STAG2: variants seen among roughly 807,000 people sequenced by gnomAD.
The protein encoded by STAG2 is STAG2 cohesin complex component.
In STAG2, 14 loss-of-function variants were observed where a neutral mutation model predicts 108.1. That is an observed-to-expected ratio of 0.13 (90% confidence interval 0.09 to 0.20). The LOEUF is 0.20. Among genes scored for constraint, STAG2 ranks in the 10% least tolerant of loss-of-function variants. The probability of loss-of-function intolerance (pLI) is 1.00; values close to 1 mark genes in which losing one functional copy is unlikely to be tolerated. For synonymous variants in STAG2, 307 were observed against 302.7 expected (o/e 1.01, Z -0.15); for missense variants, 440 against 940.9 (o/e 0.47, Z 6.96).
intron 20 of STAG2, among the ~76,000 whole-genome samples, chrX:124,065,660 G>A (rs901337459): frequency 2.7e-5 from 3 of 111,355 alleles, no homozygotes; most frequent in East Asian, 5.6e-4. Flanking sequence ...TGTCATTTTC[G>A]TTTTTTCTCT....
At chrX:124,062,045 A>T (rs2058396011) in intron 17 of STAG2, among the ~76,000 whole-genome samples, 171 bp downstream of exon 17, 1 of 111,190 alleles carries the variant, frequency 9.0e-6, no homozygotes, top group Non-Finnish European at 1.9e-5. Context: ...GAGAAATTTG[A>T]GTTCTCTGTA....
At chrX:124,079,510 A>G (rs917013722) in intron 27 of STAG2, among the ~76,000 whole-genome samples, 2 of 110,500 alleles carry the variant, frequency 1.8e-5, no homozygotes, top group African/African-American at 3.3e-5. Flanking sequence ...GGCTGGGTGT[A>G]GTGGCTGATG....
At chrX:124,022,203 T>G (rs982958249) in intron 2 of STAG2, among the ~76,000 whole-genome samples, 24 of 109,935 alleles carry the variant, frequency 2.2e-4, no homozygotes, top group African/African-American at 7.3e-4. Context: ...AAACCCCATC[T>G]CTACTAAAAA....
intron 14 of STAG2, among the ~76,000 whole-genome samples, chrX:124,056,469 C>T (rs1569514240): frequency 9.0e-6 from 1 of 110,528 alleles, no homozygotes; most frequent in Non-Finnish European, 1.9e-5. Flanking sequence ...CGCAGTGGCT[C>T]ATGCCTGTAA....
At chrX:124,044,098 A>G (rs1402442173) in intron 7 of STAG2, among the ~76,000 whole-genome samples, 1 of 111,181 alleles carries the variant, frequency 9.0e-6, no homozygotes, top group Non-Finnish European at 1.9e-5. Context: ...GATGATCGCT[A>G]AGTGCTATTA....
chrX:123,962,291 G>A (rs902335598), intron 1 of STAG2, among the ~76,000 whole-genome samples: 2 of 111,336 alleles, frequency 1.8e-5, no homozygotes, highest in Non-Finnish European at 3.8e-5. Context: ...TTTGAGCCCC[G>A]TTCCCATTTT....
chrX:124,091,758 A>G (rs2059255616), intron 32 of STAG2, among the ~76,000 whole-genome samples: 1 of 112,834 alleles, frequency 8.9e-6, no homozygotes, highest in Admixed American at 9.4e-5. Context: ...CAGGGACCAC[A>G]TTCATTGCCT....
At chrX:124,078,339 T>TA (rs2058852493) in intron 27 of STAG2, among the ~76,000 whole-genome samples, 1 of 110,716 alleles carries the variant, frequency 9.0e-6, no homozygotes, top group Admixed American at 9.5e-5. Flanking sequence ...TTCTACTTTT[T>TA]AAATCTACTC....
At chrX:124,066,830 C>G (rs778227219) in intron 23 of STAG2, among the ~76,000 whole-genome samples, 2 of 111,828 alleles carry the variant, frequency 1.8e-5, no homozygotes, top group East Asian at 5.6e-4. Flanking sequence ...TAGTGATGTT[C>G]CAAATTCATG....
intron 1 of STAG2, among the ~76,000 whole-genome samples, chrX:123,997,651 T>C (rs1453452139): frequency 8.9e-6 from 1 of 112,826 alleles, no homozygotes; most frequent in Non-Finnish European, 1.9e-5. Context: ...GGTTTTTGTT[T>C]TTTTGAGACA....
chrX:124,045,633 A>C (rs1283315783), intron 8 of STAG2, among the ~76,000 whole-genome samples: 1 of 111,089 alleles, frequency 9.0e-6, no homozygotes, highest in African/African-American at 3.3e-5. Context: ...AGAATTGGAC[A>C]ATAGGTATGT....
intron 34 of STAG2, among the ~76,000 whole-genome samples, chrX:124,096,729 C>A (rs990561070): frequency 8.9e-6 from 1 of 112,166 alleles, no homozygotes; most frequent in Non-Finnish European, 1.9e-5. Flanking sequence ...GTTCCTCACA[C>A]CTACTGCCTC....
chrX:123,976,880 T>G (rs2054645761), intron 1 of STAG2, among the ~76,000 whole-genome samples: 1 of 111,714 alleles, frequency 9.0e-6, no homozygotes, highest in South Asian at 3.7e-4. Flanking sequence ...TGCCTCCCAG[T>G]GGGATGATTT....
Position 124,031,112 on chromosome X carries a change from A to G in STAG2, c.275A>G (p.Lys92Arg). ...MMLFEVVKMG[K>R]SAMQSVVDDW... Reference sequence around the variant, plus strand: ...TTGTTTGAAGTTGTTAAAATGGGCAAGAGTGCTATGCAGGTAAGATTTATG... The same window carrying G: ...TTGTTTGAAGTTGTTAAAATGGGCAGGAGTGCTATGCAGGTAAGATTTATG... The change falls in exon 5 of 35, where the codon AAG becomes AGG. Residue 92 changes from lysine to arginine, a missense_variant. Transcript: ENST00000371145. The G allele has an allele frequency of 3.3e-6, 4 of 1,208,152 alleles. No individual in the cohort carries two copies. Among genetic ancestry groups the G allele is most frequent in the Non-Finnish European group, 4.5e-6 (4 of 894,035 alleles).
chrX:123,991,953 C>G (rs1252066890), intron 1 of STAG2, among the ~76,000 whole-genome samples: 2 of 113,145 alleles, frequency 1.8e-5, no homozygotes, highest in East Asian at 5.5e-4. Flanking sequence ...GCGTGAGCAA[C>G]GACGCCTGGC....
At chrX:124,053,401 G>A (rs1206525130) in intron 13 of STAG2, among the ~76,000 whole-genome samples, 2 of 111,414 alleles carry the variant, frequency 1.8e-5, no homozygotes, top group African/African-American at 6.5e-5. Flanking sequence ...TTAAAGGCTT[G>A]TAATCTTCCC....
At chrX:124,049,117 A>T (rs978509910) in intron 10 of STAG2, 39 bp downstream of exon 10, 2 of 1,024,119 alleles carry the variant, frequency 2.0e-6, no homozygotes, top group African/African-American at 3.8e-5. Context: ...AGCATTATGT[A>T]ATTTCTACTC....
chrX:123,997,310 A>G (rs1158037978), intron 1 of STAG2, among the ~76,000 whole-genome samples: 1 of 112,659 alleles, frequency 8.9e-6, no homozygotes, highest in Non-Finnish European at 1.9e-5. Flanking sequence ...TAGCATATAT[A>G]TAACAAAATT....
At chrX:124,008,643 G>C (rs1446458072) in intron 1 of STAG2, among the ~76,000 whole-genome samples, 1 of 112,061 alleles carries the variant, frequency 8.9e-6, no homozygotes, top group Non-Finnish European at 1.9e-5. Flanking sequence ...ATGCCCAGCT[G>C]CTAGTTGCAA....
Sources: gnomAD v4.1 joint callset for allele counts (sites outside exome capture counted in the v4.1 genomes callset) on GRCh38, gnomAD v4.1.1 for gene constraint, MANE v1.5 for transcripts, NCBI Gene and HGNC (gene_info 2026-07-23, HGNC 2026-07-21) for gene names.